SH2D4B: variants seen among roughly 807,000 people sequenced by gnomAD.
SH2D4B encodes SH2 domain containing 4B.
In SH2D4B, 45 loss-of-function variants were observed where a neutral mutation model predicts 61.5. That is an observed-to-expected ratio of 0.73 (90% CI 0.58 to 0.94). SH2D4B has a LOEUF of 0.94. SH2D4B is among the 40% of genes least tolerant of loss of function. The pLI, the probability that SH2D4B is intolerant of heterozygous loss-of-function variation, is 0.00. For missense variants in SH2D4B, 572 were observed against 574.2 expected (o/e 1.00, Z 0.04); for synonymous variants, 224 against 220.4 (o/e 1.02, Z -0.14).
At chr10:80,622,152 T>C (rs1401940869) in intron 6 of SH2D4B, among the ~76,000 whole-genome samples, 4 of 151,366 alleles carry the variant, frequency 2.6e-5, no homozygotes, top group African/African-American at 9.7e-5. Flanking sequence ...CCATGGCTTA[T>C]TATCATCAGA....
chr10:80,616,721 C>T (rs1842665468), intron 6 of SH2D4B, among the ~76,000 whole-genome samples: 2 of 152,142 alleles, frequency 1.3e-5, no homozygotes, highest in Admixed American at 1.3e-4. Flanking sequence ...GGTGGTTGGC[C>T]TCACCTGTGG....
chr10:80,610,718 C>G (rs570619272), intron 6 of SH2D4B, among the ~76,000 whole-genome samples: 1 of 152,230 alleles, frequency 6.6e-6, no homozygotes, highest in Non-Finnish European at 1.5e-5. Context: ...GCATCCGTGT[C>G]ATGTTGGTCA....
chr10:80,616,665 T>A (rs1842664550), intron 6 of SH2D4B, among the ~76,000 whole-genome samples: 1 of 152,218 alleles, frequency 6.6e-6, no homozygotes, highest in South Asian at 2.1e-4. Context: ...GACATCTGAC[T>A]TTTTACTTCT....
At chr10:80,541,622 C>T (rs957908728) in intron 1 of SH2D4B, among the ~76,000 whole-genome samples, 1 of 152,166 alleles carries the variant, frequency 6.6e-6, no homozygotes. Flanking sequence ...TCGCTCCTGG[C>T]AAGCCTGGCT....
chr10:80,562,096 TC>T (rs1841908490), intron 1 of SH2D4B, among the ~76,000 whole-genome samples: 1 of 148,562 alleles, frequency 6.7e-6, no homozygotes. Flanking sequence ...CTAATCCCCC[TC>T]CCTGCCCACA....
In SH2D4B at chr10:80,588,994, C is replaced by T. The variant is rs1165949071; in HGVS notation, c.643+217C>T. ...CTGCCTGTTGGGGATATTTCTTTTT[C>T]TTTTTCTTTTTTTTTTTGTTCTTTT... On this transcript the variant is annotated intron_variant, in intron 4 of 7. Coordinates refer to ENST00000646907, the MANE Select transcript of SH2D4B (RefSeq NM_001388272.1). 4.5e-5 allele frequency among the ~76,000 whole-genome samples: 6 copies of T among 134,326 alleles called. No homozygotes were observed. The East Asian group carries it at 1.3e-3, about 30-fold the overall frequency. 88.1% of individuals were successfully genotyped at this position (134,326 alleles called of 152,430 possible). A position where few individuals can be genotyped will look rare whatever the true frequency, so the allele number is the denominator to read the frequency against.
intron 3 of SH2D4B, among the ~76,000 whole-genome samples, chr10:80,573,950 G>C (rs1187593266): frequency 6.6e-6 from 1 of 152,004 alleles, no homozygotes; most frequent in Non-Finnish European, 1.5e-5. Flanking sequence ...TTGAATCATT[G>C]AATCTTCTTG....
chr10:80,552,645 G>A (rs949654204), intron 1 of SH2D4B, among the ~76,000 whole-genome samples: 2 of 152,212 alleles, frequency 1.3e-5, no homozygotes, highest in African/African-American at 4.8e-5. Flanking sequence ...GGAAGTAGCA[G>A]GTTGTAGGCA....
In SH2D4B at chr10:80,644,607, T is replaced by G. The variant is rs568715962; in HGVS notation, c.*522T>G. On this transcript the variant is annotated 3_prime_UTR_variant, in exon 8 of 8. Coordinates refer to ENST00000646907, the MANE Select transcript of SH2D4B (RefSeq NM_001388272.1). ...CTATGGAGGACATAAATGCTGCATC[T>G]TTCATAATCTCCATTATCACCCTCA... The G allele has an allele frequency of 1.3e-5, 2 of 152,492 alleles. No homozygotes were observed. The highest frequency in any genetic ancestry group is 4.1e-4 in the South Asian group (2 of 4,832). 9.4% of individuals were successfully genotyped at this position (152,492 alleles called of 1,614,324 possible). A position where few individuals can be genotyped will look rare whatever the true frequency, so the allele number is the denominator to read the frequency against.
rs192598940 is a variant in SH2D4B at position 80,641,090 on chromosome 10, A to G, written c.1210-2903A>G. On this transcript the variant is annotated intron_variant, in intron 7 of 7. Coordinates refer to ENST00000646907, the MANE Select transcript of SH2D4B (RefSeq NM_001388272.1). ...TTGGAGTTTGCTGGAGGTCCACTCC[A>G]GACCCTCTTTGCCTGGGTATCACCA... is the stretch of plus-strand genomic sequence containing the variant. 3.3e-4 allele frequency among the ~76,000 whole-genome samples: 51 copies of G among 152,354 alleles called. 1 individual carries two copies. The East Asian group carries it at 8.9e-3, about 27-fold the overall frequency.
chr10:80,628,538 C>T (rs1167935441), intron 6 of SH2D4B, among the ~76,000 whole-genome samples: 2 of 152,144 alleles, frequency 1.3e-5, no homozygotes, highest in East Asian at 3.9e-4. Flanking sequence ...CGGACTTATA[C>T]AGAGGGCAAA....
chr10:80,577,884 A>T (rs1249177520), intron 3 of SH2D4B, among the ~76,000 whole-genome samples: 1 of 152,178 alleles, frequency 6.6e-6, no homozygotes, highest in African/African-American at 2.4e-5. Context: ...ATTTTCTGGT[A>T]ATTTGTTACT....
At chr10:80,570,122 A>G (rs1006207793) in intron 1 of SH2D4B, 32 bp from the exon 2 acceptor site, 2 of 1,613,562 alleles carry the variant, frequency 1.2e-6, no homozygotes, top group Non-Finnish European at 1.7e-6. Context: ...TGAAAATCAA[A>G]CTTGTTTCTT....
At chr10:80,604,330 C>T (rs1275178726) in intron 5 of SH2D4B, among the ~76,000 whole-genome samples, 13 of 152,206 alleles carry the variant, frequency 8.5e-5, no homozygotes, top group Admixed American at 7.8e-4. Context: ...GGCAAGGGCA[C>T]TTAGGTGACT....
At chr10:80,594,199 G>T (rs1842362203) in intron 4 of SH2D4B, among the ~76,000 whole-genome samples, 2 of 152,102 alleles carry the variant, frequency 1.3e-5, no homozygotes, top group African/African-American at 2.4e-5. Context: ...ATGATGAAAG[G>T]GTGTTGGATT....
At chr10:80,572,581 A>T (rs140572402) in intron 3 of SH2D4B, among the ~76,000 whole-genome samples, 1 of 152,002 alleles carries the variant, frequency 6.6e-6, no homozygotes, top group East Asian at 1.9e-4. Context: ...CAGTGAGGAC[A>T]TTGGCCTTGC....
At chr10:80,586,305 C>T (rs980436152) in intron 3 of SH2D4B, among the ~76,000 whole-genome samples, 1 of 152,234 alleles carries the variant, frequency 6.6e-6, no homozygotes. Context: ...GGCCCTGGTG[C>T]GCGATCCACT....
rs1309008539 is a variant in SH2D4B, at chr10:80,546,043, TTTC to T, written c.184+7531_184+7533del. On this transcript the variant is annotated intron_variant, in intron 1 of 7. Coordinates refer to ENST00000646907, the MANE Select transcript of SH2D4B (RefSeq NM_001388272.1). ...CTTTCTCTTTCTTTCTTTCTCTCTC[TTTC>T]TTTTTTTTTTTTTTTTTAGACAAGG... Among the ~76,000 whole-genome samples the T allele has an allele frequency of 3.4e-5, 5 of 148,062 alleles. No homozygotes were observed. The East Asian group carries it at 1.1e-3, about 31-fold the overall frequency.
chr10:80,561,213 A>G (rs1458724013), intron 1 of SH2D4B, among the ~76,000 whole-genome samples: 1 of 152,224 alleles, frequency 6.6e-6, no homozygotes. Context: ...AATAAAGTGA[A>G]TCTGTCACTT....
Sources: gnomAD v4.1 joint callset for allele counts (sites outside exome capture counted in the v4.1 genomes callset) on GRCh38, gnomAD v4.1.1 for gene constraint, MANE v1.5 for transcripts, NCBI Gene and HGNC (gene_info 2026-07-23, HGNC 2026-07-21) for gene names.